Variants in SLC9A9 observed in about 807,000 individuals in gnomAD.
SLC9A9 encodes sodium/hydrogen exchanger 9.
SLC9A9 carries 62 observed loss-of-function variants against 77.8 expected under a neutral mutation model. The ratio of observed to expected loss-of-function variants is 0.80; its 90% CI spans 0.65 to 0.98. The LOEUF (loss-of-function observed/expected upper bound fraction) is 0.98, where lower values mean the gene tolerates loss of function less well. Ranked by LOEUF, SLC9A9 falls within the 50% of genes least tolerant of loss-of-function variation. SLC9A9 has a pLI of 0.00. For synonymous variants in SLC9A9, 320 were observed against 283.5 expected (o/e 1.13, Z -1.29); for missense variants, 775 against 774.9 (o/e 1.00, Z 0.00).
intron 5 of SLC9A9, among the ~76,000 whole-genome samples, chr3:143,690,348 C>CCTACT (rs1933420934): frequency 6.6e-6 from 1 of 151,926 alleles, no homozygotes; most frequent in African/African-American, 2.4e-5. Context: ...GATATAATTT[C>CCTACT]TCCTTTTAAA....
chr3:143,526,736 G>A (rs1211587829), intron 9 of SLC9A9, among the ~76,000 whole-genome samples: 4 of 152,136 alleles, frequency 2.6e-5, no homozygotes, highest in African/African-American at 7.2e-5. Flanking sequence ...AACAATTTTT[G>A]TTCCTTGCCA....
chr3:143,453,993 C>T (rs1262889987), intron 12 of SLC9A9, among the ~76,000 whole-genome samples: 1 of 152,102 alleles, frequency 6.6e-6, no homozygotes, highest in African/African-American at 2.4e-5. Context: ...TGTGTTTGTC[C>T]CCTCCAGAGA....
chr3:143,829,476 T>G (rs780980056), intron 2 of SLC9A9, among the ~76,000 whole-genome samples: 15 of 152,096 alleles, frequency 9.9e-5, no homozygotes, highest in Non-Finnish European at 1.9e-4. Flanking sequence ...CCAAAGCCCT[T>G]CTCAAGTGCC....
intron 12 of SLC9A9, among the ~76,000 whole-genome samples, chr3:143,418,094 C>T (rs1035495686): frequency 6.0e-5 from 9 of 150,412 alleles, no homozygotes; most frequent in Admixed American, 5.9e-4. Flanking sequence ...AATCTCTGGA[C>T]CAGATGCCCA....
At chr3:143,802,271 G>A (rs1353139791) in intron 2 of SLC9A9, among the ~76,000 whole-genome samples, 3 of 152,234 alleles carry the variant, frequency 2.0e-5, no homozygotes, top group East Asian at 3.9e-4. Flanking sequence ...GTTACAAGCC[G>A]CTAGCCCGCC....
chr3:143,291,840 T>G (rs528115513), intron 14 of SLC9A9, among the ~76,000 whole-genome samples: 1 of 152,320 alleles, frequency 6.6e-6, no homozygotes, highest in South Asian at 2.1e-4. Context: ...TTTTCCAATG[T>G]CCCTTTTCTG....
At chr3:143,722,472 CA>C (rs60995925) in intron 4 of SLC9A9, among the ~76,000 whole-genome samples, 6,768 of 57,480 alleles carry the variant, frequency 0.12, 128 homozygotes, top group African/African-American at 0.21. Context: ...GACTCCATCT[CA>C]AAAAAAAAAA....
intron 12 of SLC9A9, among the ~76,000 whole-genome samples, chr3:143,411,252 G>C (rs1281788247): frequency 6.6e-6 from 1 of 152,098 alleles, no homozygotes; most frequent in Non-Finnish European, 1.5e-5. Context: ...GTATGTCTAA[G>C]GTTTGTTTGT....
rs1019591177 is a variant in SLC9A9 at position 143,610,531 on chromosome 3, G to C, written c.756-31808C>G. On this transcript the variant is annotated intron_variant, in intron 6 of 15. Coordinates refer to ENST00000316549, the MANE Select transcript of SLC9A9 (RefSeq NM_173653.4). The stretch of plus-strand genomic sequence containing the variant: ...TTTAAAATATCCAATCTGTTTCTCT[G>C]AGCAGCCAGCCATTATCGCAAACCC... Among the ~76,000 whole-genome samples the C allele has an allele frequency of 3.3e-5, 5 of 152,256 alleles. No homozygotes were observed. In the East Asian group the frequency reaches 9.7e-4, roughly 29 times the overall value.
At chr3:143,345,913 C>T (rs2032257949) in intron 14 of SLC9A9, among the ~76,000 whole-genome samples, 1 of 152,008 alleles carries the variant, frequency 6.6e-6, no homozygotes, top group Non-Finnish European at 1.5e-5. Flanking sequence ...AACTGGAGTC[C>T]CTATCAGGTC....
intron 8 of SLC9A9, among the ~76,000 whole-genome samples, chr3:143,570,115 C>G (rs2037234694): frequency 6.6e-6 from 1 of 151,848 alleles, no homozygotes; most frequent in African/African-American, 2.4e-5. Context: ...CAATTTTCTC[C>G]ATAGATAAAG....
chr3:143,542,685 C>T (rs993214073), intron 9 of SLC9A9, among the ~76,000 whole-genome samples: 1 of 152,200 alleles, frequency 6.6e-6, no homozygotes, highest in African/African-American at 2.4e-5. Flanking sequence ...TAAATTAATG[C>T]ATCATATCAG....
intron 4 of SLC9A9, among the ~76,000 whole-genome samples, chr3:143,792,865 CT>C (rs2008263668): frequency 6.6e-6 from 1 of 152,124 alleles, no homozygotes; most frequent in Non-Finnish European, 1.5e-5. Context: ...AAAATTTCTC[CT>C]TCACGCAGCT....
chr3:143,267,886 C>A (rs765829632), intron 15 of SLC9A9, among the ~76,000 whole-genome samples: 1 of 152,162 alleles, frequency 6.6e-6, no homozygotes, highest in Non-Finnish European at 1.5e-5. Flanking sequence ...GGGCCCTTGC[C>A]GGGGGATTTT....
At chr3:143,621,667 A>G (rs1344134498) in intron 6 of SLC9A9, among the ~76,000 whole-genome samples, 1 of 152,254 alleles carries the variant, frequency 6.6e-6, no homozygotes, top group Admixed American at 6.5e-5. Flanking sequence ...GATGGGGAAA[A>G]AACAGAGCAG....
chr3:143,283,062 G>T (rs1227433512), intron 14 of SLC9A9, among the ~76,000 whole-genome samples: 4 of 152,198 alleles, frequency 2.6e-5, no homozygotes, highest in Admixed American at 2.6e-4. Flanking sequence ...TGAGGGAGGG[G>T]CAAGTCTCTT....
chr3:143,648,344 G>T (rs1342315564), intron 6 of SLC9A9, among the ~76,000 whole-genome samples: 1 of 152,172 alleles, frequency 6.6e-6, no homozygotes, highest in Non-Finnish European at 1.5e-5. Context: ...GGGATGAAAG[G>T]CATTCCTCAG....
intron 9 of SLC9A9, among the ~76,000 whole-genome samples, chr3:143,532,903 T>G (rs996118341): frequency 8.5e-5 from 13 of 152,184 alleles, no homozygotes; most frequent in African/African-American, 3.1e-4. Context: ...TGTTCACACC[T>G]AATTATTCTT....
chr3:143,276,238 C>T (rs528519416), intron 14 of SLC9A9, among the ~76,000 whole-genome samples: 77 of 152,308 alleles, frequency 5.1e-4, no homozygotes, highest in African/African-American at 1.8e-3. Context: ...TAGCCCAACT[C>T]CAGTTCTAAG....
Sources: gnomAD v4.1 joint callset for allele counts (sites outside exome capture counted in the v4.1 genomes callset) on GRCh38, gnomAD v4.1.1 for gene constraint, MANE v1.5 for transcripts, NCBI Gene and HGNC (gene_info 2026-07-23, HGNC 2026-07-21) for gene names.